DEPDC7: variants seen among roughly 807,000 people sequenced by gnomAD.
The protein encoded by DEPDC7 is DEP domain containing 7.
A neutral mutation model predicts 56.6 loss-of-function variants in DEPDC7; 41 were observed. The observed-to-expected ratio is 0.72, with a 90% CI of 0.56 to 0.94. The LOEUF (loss-of-function observed/expected upper bound fraction) is 0.94, where lower values mean the gene tolerates loss of function less well. Among genes scored for constraint, DEPDC7 ranks in the 40% least tolerant of loss-of-function variants. The pLI, the probability that DEPDC7 is intolerant of heterozygous loss-of-function variation, is 0.00. For synonymous variants in DEPDC7, 185 were observed against 208.8 expected (o/e 0.89, Z 0.98); for missense variants, 522 against 596.3 (o/e 0.88, Z 1.30).
rs376408973 is a variant in DEPDC7, at chr11:33,032,935, T to C, written c.1310T>C (p.Ile437Thr). ...HKIVSVKLMA[I>T]QNGRDPNRDA... ...ATTGTAAGTGTTAAGCTTATGGCCA[T>C]ACAGAACGGAAGAGATCCAAATAGA... The change falls in exon 8 of 9, where the codon ATA becomes ACA. Residue 437 changes from isoleucine (I) to threonine (T), a missense_variant. Physicochemically the swap from Ile to Thr is moderately conservative, Grantham distance 89. Coordinates refer to ENST00000241051, the MANE Select transcript of DEPDC7 (RefSeq NM_001077242.2). 1.2e-5 allele frequency: 19 copies of C among 1,601,322 alleles called. No individual in the cohort carries two copies. The highest frequency in any genetic ancestry group is 1.5e-5 in the Non-Finnish European group (18 of 1,173,294).
Position 33,025,943 on chromosome 11 carries a change from A to T in DEPDC7, c.358A>T (p.Lys120Ter). 1 of 1,614,122 alleles carries T rather than the reference A, an allele frequency of 6.2e-7. No individual in the cohort carries two copies. The highest frequency in any genetic ancestry group is 8.5e-7 in the Non-Finnish European group (1 of 1,179,996). ...TCCAACCAAAGTCTTTGGAAAAGAC[A>T]AAAAACCTACATTTGAAGATAGTAG... is the stretch of plus-strand genomic sequence containing the variant. ...AVPTKVFGKD[K>*]KPTFEDSSCS... Residue 120 changes from lysine to a stop codon, truncating the protein, a stop_gained, in exon 2 of 9, where the codon AAA (lysine) becomes TAA (stop). Transcript: ENST00000241051. LOFTEE classifies it high-confidence loss of function.
chr11:33,032,544 T>C, intron 6 of DEPDC7, 66 bp downstream of exon 6: 1 of 1,432,970 alleles, frequency 7.0e-7, no homozygotes, highest in Non-Finnish European at 9.4e-7. Flanking sequence ...AAGTATTAGA[T>C]TATTCCATCT....
At chr11:33,028,543 A>G (rs748921652) in intron 3 of DEPDC7, 60 bp from the exon 4 acceptor site, 2 of 1,370,076 alleles carry the variant, frequency 1.5e-6, no homozygotes, top group Admixed American at 5.0e-5. Context: ...GAAAAATATT[A>G]TGGTGAGCAT....
intron 4 of DEPDC7, 38 bp downstream of exon 4, chr11:33,028,830 T>C: frequency 1.3e-6 from 2 of 1,485,216 alleles, no homozygotes; most frequent in Non-Finnish European, 1.8e-6. Flanking sequence ...AGTGTGTTTG[T>C]AGGTAGATTG....
intron 1 of DEPDC7, among the ~76,000 whole-genome samples, chr11:33,021,366 C>T (rs1263091729): frequency 6.6e-6 from 1 of 152,080 alleles, no homozygotes; most frequent in Non-Finnish European, 1.5e-5. Context: ...GGTTTGAGGA[C>T]AAGCTGAACC....
chr11:33,024,763 T>C (rs190507743), intron 1 of DEPDC7, among the ~76,000 whole-genome samples: 11 of 151,050 alleles, frequency 7.3e-5, no homozygotes, highest in Non-Finnish European at 4.4e-5. Flanking sequence ...TTATATGTGG[T>C]CCATCGTTGA....
intron 6 of DEPDC7, 62 bp downstream of exon 6, chr11:33,032,540 T>G (rs1853644103): frequency 6.9e-7 from 1 of 1,450,086 alleles, no homozygotes; most frequent in South Asian, 1.4e-5. Context: ...GGTTAAGTAT[T>G]AGATTATTCC....
intron 4 of DEPDC7, among the ~76,000 whole-genome samples, chr11:33,030,594 T>G (rs1449001919): frequency 6.6e-6 from 1 of 152,166 alleles, no homozygotes; most frequent in Non-Finnish European, 1.5e-5. Flanking sequence ...TTTGTTGGTT[T>G]GTTTTTTGAG....
intron 1 of DEPDC7, 104 bp from the exon 2 acceptor site, chr11:33,025,555 A>G (rs570369904): frequency 7.1e-6 from 8 of 1,120,836 alleles, no homozygotes; most frequent in Non-Finnish European, 1.0e-5. Context: ...CTCCTTATCA[A>G]TAACTTTGGA....
rs768733647 is a variant in DEPDC7 at position 33,025,847 on chromosome 11, G to A, written c.262G>A (p.Val88Ile). ...AATTCAGAATAAGTATTTTGGTGAT[G>A]TAGATATTCCTCGAGCCAAAGTGGT... ...HLIQNKYFGD[V>I]DIPRAKVVRV... Residue 88 changes from valine (V) to isoleucine (I), a missense_variant, in exon 2 of 9, where the codon GTA becomes ATA. Transcript: ENST00000241051. 1.2e-6 allele frequency: 2 copies of A among 1,614,178 alleles called. No homozygotes were observed. Among genetic ancestry groups the A allele is most frequent in the East Asian group, 2.2e-5 (1 of 44,882 alleles).
chr11:33,019,846 A>G (rs1366583059), intron 1 of DEPDC7, among the ~76,000 whole-genome samples: 1 of 150,518 alleles, frequency 6.6e-6, no homozygotes, highest in Non-Finnish European at 1.5e-5. Context: ...TAAAAGTTTT[A>G]TGGAGAAACA....
chr11:33,023,062 A>G (rs1564963755), intron 1 of DEPDC7, among the ~76,000 whole-genome samples: 3 of 150,222 alleles, frequency 2.0e-5, no homozygotes, highest in African/African-American at 7.3e-5. Flanking sequence ...TGTCTCTACT[A>G]AAAAAAAATA....
intron 4 of DEPDC7, among the ~76,000 whole-genome samples, chr11:33,030,269 A>C (rs75418034): frequency 0.038 from 5,755 of 152,070 alleles, 383 homozygotes; most frequent in African/African-American, 0.13. Flanking sequence ...TGTAATTAGT[A>C]ATTTTTATAT....
chr11:33,028,633 T>C lies in DEPDC7; in HGVS notation c.623T>C (p.Ile208Thr), dbSNP rs1853601937. 5.6e-6 allele frequency: 9 copies of C among 1,601,510 alleles called. No homozygotes were observed. Among genetic ancestry groups the C allele is most frequent in the South Asian group, 2.3e-5 (2 of 88,330 alleles). ...AATGAAGTGTGGCAAGAAGAAACAATTGGGCGTCTACTACAACTTGTAGAC... is the reference window on the plus strand; with the variant it reads ...AATGAAGTGTGGCAAGAAGAAACAACTGGGCGTCTACTACAACTTGTAGAC... The part of the protein sequence containing the change: ...VINEVWQEET[I>T]GRLLQLVDLP... The change falls in exon 4 of 9, where the codon ATT becomes ACT. Residue 208 changes from isoleucine (I) to threonine (T), a missense_variant. Coordinates refer to ENST00000241051, the MANE Select transcript of DEPDC7 (RefSeq NM_001077242.2).
intron 1 of DEPDC7, chr11:33,016,673 G>C: frequency 3.9e-5 from 54 of 1,390,008 alleles, no homozygotes; most frequent in Non-Finnish European, 5.2e-5. Context: ...TAGGAGGGAA[G>C]TTGGCAAATT....
Position 33,032,378 on chromosome 11 carries a change from T to C in DEPDC7, c.1037T>C (p.Leu346Pro). 2 of 1,577,990 alleles carry C rather than the reference T, an allele frequency of 1.3e-6. No individual in the cohort carries two copies. The highest frequency in any genetic ancestry group is 2.4e-5 in the South Asian group (2 of 84,170). Reference sequence around the variant, plus strand: ...ATAGCTTTAGAAGCTACCCAGCTCCTTCTAAAGCTTTTAGATTTCCAAAAT... The same window carrying C: ...ATAGCTTTAGAAGCTACCCAGCTCCCTCTAAAGCTTTTAGATTTCCAAAAT... ...TEIALEATQL[L>P]LKLLDFQNRE... The change falls in exon 6 of 9, where the codon CTT (leucine) becomes CCT (proline). Residue 346 changes from leucine to proline, a missense_variant. Physicochemically the swap from Leu to Pro is moderately conservative, Grantham distance 98 (BLOSUM62 -3). Transcript: ENST00000241051.
chr11:33,028,639 G>A lies in DEPDC7; in HGVS notation c.629G>A (p.Arg210His), dbSNP rs201784282. ...NEVWQEETIG[R>H]LLQLVDLPLL... is the part of the protein sequence containing the mutation. The stretch of plus-strand genomic sequence containing the variant: ...GTGTGGCAAGAAGAAACAATTGGGC[G>A]TCTACTACAACTTGTAGACCTTCCA... The change falls in exon 4 of 9, where the codon CGT (arginine) becomes CAT (histidine). Residue 210 changes from arginine (R) to histidine (H), a missense_variant. Arg to His is a conservative substitution (Grantham distance 29, BLOSUM62 0). Transcript: ENST00000241051. 4.4e-4 allele frequency: 706 copies of A among 1,603,510 alleles called. 3 individuals carry two copies. The highest frequency in any genetic ancestry group is 2.9e-4 in the Non-Finnish European group (344 of 1,177,390).
chr11:33,025,610 A>C, intron 1 of DEPDC7, 49 bp from the exon 2 acceptor site: 1 of 1,537,462 alleles, frequency 6.5e-7, no homozygotes, highest in Non-Finnish European at 8.8e-7. Context: ...CTTATTACAA[A>C]TGAACAAGGT....
At chr11:33,016,571 A>T (rs767293522) in intron 1 of DEPDC7, 7 of 1,614,154 alleles carry the variant, frequency 4.3e-6, no homozygotes, top group Non-Finnish European at 5.9e-6. Flanking sequence ...TACTGGCAGG[A>T]ATTTGGCATA....
Sources: gnomAD v4.1 joint callset for allele counts (sites outside exome capture counted in the v4.1 genomes callset) on GRCh38, gnomAD v4.1.1 for gene constraint, MANE v1.5 for transcripts, NCBI Gene and HGNC (gene_info 2026-07-23, HGNC 2026-07-21) for gene names.